Variants in GABRG1 observed in about 807,000 individuals in gnomAD.
GABRG1 encodes the protein gamma-aminobutyric acid type A receptor subunit gamma1.
GABRG1 carries 49 observed loss-of-function variants against 49.8 expected under a neutral mutation model. That is an observed-to-expected ratio of 0.98 (90% CI 0.78 to 1.25). GABRG1 has a LOEUF of 1.25. GABRG1 is among the 50% of genes most tolerant of loss of function. GABRG1 has a pLI of 0.00. For missense variants in GABRG1, 552 were observed against 552.3 expected (o/e 1.00, Z 0.01); for synonymous variants, 232 against 185.1 (o/e 1.25, Z -2.06).
intron 1 of GABRG1, among the ~76,000 whole-genome samples, chr4:46,104,423 A>G (rs987066191): frequency 6.6e-6 from 1 of 151,568 alleles, no homozygotes; most frequent in African/African-American, 2.4e-5. Context: ...TGTAAATGTA[A>G]TAACTAATGT....
chr4:46,095,457 T>C (rs1261527754), intron 2 of GABRG1, among the ~76,000 whole-genome samples: 1 of 151,678 alleles, frequency 6.6e-6, no homozygotes, highest in African/African-American at 2.4e-5. Context: ...CTACCCAAAT[T>C]GAACAGCTCT....
intron 1 of GABRG1, among the ~76,000 whole-genome samples, chr4:46,117,449 C>T (rs1298069462): frequency 1.3e-5 from 2 of 149,714 alleles, no homozygotes; most frequent in African/African-American, 4.9e-5. Context: ...CTTACACAAC[C>T]AGAGTAAAGG....
chr4:46,110,034 G>T (rs950126204), intron 1 of GABRG1, among the ~76,000 whole-genome samples: 1 of 150,910 alleles, frequency 6.6e-6, no homozygotes, highest in Non-Finnish European at 1.5e-5. Flanking sequence ...AGTTCCAATT[G>T]GTCAAGTGTC....
chr4:46,090,601 A>G (rs561933799), intron 2 of GABRG1, among the ~76,000 whole-genome samples: 7 of 152,184 alleles, frequency 4.6e-5, no homozygotes, highest in African/African-American at 1.4e-4. Context: ...ACAGACTCTG[A>G]TGCTTCCTTT....
chr4:46,063,028 C>G (rs1468073278), intron 5 of GABRG1, among the ~76,000 whole-genome samples: 3 of 150,698 alleles, frequency 2.0e-5, no homozygotes, highest in Non-Finnish European at 4.4e-5. Context: ...AGGATACAAA[C>G]AAATGGAAGA....
Position 46,124,041 on chromosome 4 carries a change from G to T in GABRG1, c.-128C>A. 1 of 659,572 alleles carries T rather than the reference G, an allele frequency of 1.5e-6. No individual in the cohort carries two copies. The highest frequency in any genetic ancestry group is 2.7e-6 in the Non-Finnish European group (1 of 372,040). The allele number at this position is 659,572 out of a possible 1,614,324, so 40.9% of individuals were successfully genotyped here. Reference sequence around the variant, plus strand: ...GAAAGGCAGTGCACCTCCCAAACAGGTAGGATGCGACTCCCAGCAGAATTG... The same window carrying T: ...GAAAGGCAGTGCACCTCCCAAACAGTTAGGATGCGACTCCCAGCAGAATTG... On this transcript the variant is annotated 5_prime_UTR_variant, in exon 1 of 9. Coordinates refer to ENST00000295452, the MANE Select transcript of GABRG1 (RefSeq NM_173536.4).
Position 46,052,904 on chromosome 4 carries a change from T to A in GABRG1, c.917-1266A>T, listed in dbSNP as rs554681731. On this transcript the variant is annotated intron_variant, in intron 7 of 8. Coordinates refer to ENST00000295452, the MANE Select transcript of GABRG1 (RefSeq NM_173536.4). ...AAAAATTCTACTCACAAACCTGTCA[T>A]TTCACTTTTATCATTTCTTAGGATT... Among the ~76,000 whole-genome samples the A allele has an allele frequency of 5.1e-4, 77 of 152,032 alleles. 1 individual carries two copies. Among genetic ancestry groups the A allele is most frequent in the Admixed American group, 4.6e-3 (70 of 15,202 alleles).
chr4:46,065,410 G>T lies in GABRG1; in HGVS notation c.496C>A (p.Arg166Ser), dbSNP rs751946075. The T allele has an allele frequency of 5.0e-6, 8 of 1,613,306 alleles. No individual in the cohort carries two copies. Among genetic ancestry groups the T allele is most frequent in the South Asian group, 3.3e-5 (3 of 91,052 alleles). ...SDAHWITTPNRLLRIWNDGRV... is the reference protein window; with the variant it reads ...SDAHWITTPNSLLRIWNDGRV... ...CCATCATTCCAAATTCGAAGCAGAC[G>T]ATTAGGAGTTGTTATCCAGTGAGCA... Residue 166 changes from arginine to serine, a missense_variant, in exon 4 of 9, where the codon CGT (arginine) becomes AGT (serine). Coordinates refer to ENST00000295452, the MANE Select transcript of GABRG1 (RefSeq NM_173536.4).
rs1239561605 is a variant in GABRG1, at chr4:46,038,607, C to G, written c.*2381G>C. On this transcript the variant is annotated 3_prime_UTR_variant, in exon 9 of 9. Coordinates refer to ENST00000295452, the MANE Select transcript of GABRG1 (RefSeq NM_173536.4). ...GAAACTTATACTTGGAATAGAGGAACAGGAAATGAACTGAATCAGCTTTGA... is the reference window on the plus strand; with the variant it reads ...GAAACTTATACTTGGAATAGAGGAAGAGGAAATGAACTGAATCAGCTTTGA... 1.3e-5 allele frequency: 2 copies of G among 151,424 alleles called. No homozygotes were observed. Among genetic ancestry groups the G allele is most frequent in the East Asian group, 1.9e-4 (1 of 5,170 alleles). 9.4% of individuals were successfully genotyped at this position (151,424 alleles called of 1,614,324 possible).
chr4:46,117,495 A>C (rs561489719), intron 1 of GABRG1, among the ~76,000 whole-genome samples: 1 of 149,040 alleles, frequency 6.7e-6, no homozygotes, highest in Non-Finnish European at 1.5e-5. Flanking sequence ...ATATACAAAA[A>C]ATTCTACCAA....
intron 1 of GABRG1, among the ~76,000 whole-genome samples, chr4:46,107,201 A>C (rs750319245): frequency 1.3e-5 from 2 of 151,024 alleles, no homozygotes; most frequent in Non-Finnish European, 3.0e-5. Flanking sequence ...ACAATTGTCT[A>C]TTGATCTTTT....
intron 7 of GABRG1, among the ~76,000 whole-genome samples, chr4:46,052,214 G>C (rs2109398365): frequency 7.1e-6 from 1 of 139,882 alleles, no homozygotes; most frequent in African/African-American, 2.7e-5. Context: ...ATAATGCATT[G>C]TATCGCCTTG....
intron 3 of GABRG1, among the ~76,000 whole-genome samples, chr4:46,080,213 A>G (rs1719513172): frequency 6.6e-6 from 1 of 151,836 alleles, no homozygotes; most frequent in African/African-American, 2.4e-5. Context: ...CTAATATATT[A>G]ATTTTGTTTC....
chr4:46,117,414 G>C (rs1720931611), intron 1 of GABRG1, among the ~76,000 whole-genome samples: 1 of 150,012 alleles, frequency 6.7e-6, no homozygotes, highest in Admixed American at 6.7e-5. Context: ...GCCTTCAATA[G>C]GATGTTTCTA....
intron 1 of GABRG1, among the ~76,000 whole-genome samples, chr4:46,123,101 AACACACACACACACACACACAC>A (rs34086673): frequency 3.1e-5 from 4 of 129,482 alleles, no homozygotes; most frequent in Non-Finnish European, 3.4e-5. Context: ...CATACACACA[AACACACACACACACACACACAC>A]ACACACACAC....
At chr4:46,087,305 A>T (rs1017921445) in intron 2 of GABRG1, among the ~76,000 whole-genome samples, 2 of 151,668 alleles carry the variant, frequency 1.3e-5, no homozygotes. Context: ...ACAATTGGGA[A>T]GTGGGGCCAA....
At position 46,117,348 on chromosome 4, in the gene GABRG1, T is replaced by C. The variant is rs1048106132; in HGVS notation, c.104+6462A>G. Reference sequence around the variant, plus strand: ...ATGTCAAATCTCAGAATACATTGTTTCTGGGAGGAAAAGATTTCTACATTT... The same window carrying C: ...ATGTCAAATCTCAGAATACATTGTTCCTGGGAGGAAAAGATTTCTACATTT... On this transcript the variant is annotated intron_variant, in intron 1 of 8. Transcript: ENST00000295452. Among the ~76,000 whole-genome samples the C allele has an allele frequency of 4.0e-5, 6 of 150,532 alleles. No homozygotes were observed. The East Asian group carries it at 1.2e-3, about 29-fold the overall frequency.
chr4:46,078,419 T>G (rs147954373), intron 3 of GABRG1, among the ~76,000 whole-genome samples: 98 of 151,980 alleles, frequency 6.4e-4, no homozygotes, highest in African/African-American at 2.3e-3. Flanking sequence ...AAACTATAGC[T>G]AAAGGTTTTA....
intron 3 of GABRG1, among the ~76,000 whole-genome samples, chr4:46,081,111 TTAC>T (rs35394969): frequency 0.52 from 78,826 of 151,088 alleles, 20,865 homozygotes; most frequent in African/African-American, 0.56. Flanking sequence ...GATGTTTCAT[TTAC>T]TATCTCAGCT....
Sources: gnomAD v4.1 joint callset for allele counts (sites outside exome capture counted in the v4.1 genomes callset) on GRCh38, gnomAD v4.1.1 for gene constraint, MANE v1.5 for transcripts, NCBI Gene and HGNC (gene_info 2026-07-23, HGNC 2026-07-21) for gene names.